CPM: variants seen among roughly 807,000 people sequenced by gnomAD.
CPM encodes the protein carboxypeptidase M.
Under a neutral mutation model 46.4 loss-of-function variants are expected in CPM, and 35 were observed. The ratio of observed to expected loss-of-function variants is 0.75; its 90% CI spans 0.58 to 1.00. The LOEUF (loss-of-function observed/expected upper bound fraction) is 1.00, where lower values mean the gene tolerates loss of function less well. Among genes scored for constraint, CPM ranks in the 50% least tolerant of loss-of-function variants. The pLI is 0.00. For missense variants in CPM, 422 were observed against 530.4 expected, an observed-to-expected ratio of 0.80 and a Z score of 2.01; for synonymous variants, 195 against 195.3, an observed-to-expected ratio of 1.00 and a Z score of 0.01.
At chr12:68,867,208 C>G (rs1885491756) in intron 6 of CPM, among the ~76,000 whole-genome samples, 160 bp from the exon 7 acceptor site, 1 of 152,188 alleles carries the variant, frequency 6.6e-6, no homozygotes, top group Non-Finnish European at 1.5e-5. Context: ...TTCTATTACC[C>G]AGGCGTGACT....
In CPM at chr12:68,845,052, G is replaced by A. The variant is rs1334219253; in HGVS notation, c.534-2723C>T. ...CAAAGTGCTGTGATTACAGGCGTGAGCCGCCACGCCCAGCCTAATAAGGGT... is the reference window on the plus strand; with the variant it reads ...CAAAGTGCTGTGATTACAGGCGTGAACCGCCACGCCCAGCCTAATAAGGGT... On this transcript the variant is annotated intron_variant, in intron 5 of 5. Coordinates refer to the CPM transcript ENST00000551897. The A allele has an allele frequency of 3.3e-5, 7 of 209,164 alleles. No homozygotes were observed. In the East Asian group the frequency reaches 5.0e-4, roughly 15 times the overall value. The allele number at this position is 209,164 out of a possible 1,614,324, so 13.0% of individuals were successfully genotyped here. A position where few individuals can be genotyped will look rare whatever the true frequency, so the allele number is the denominator to read the frequency against.
intron 2 of CPM, among the ~76,000 whole-genome samples, chr12:68,907,299 T>C (rs1244048741): frequency 4.6e-5 from 7 of 152,200 alleles, no homozygotes. Context: ...GGGCACATTA[T>C]TAGGGTGATT....
At chr12:68,848,356 G>A (rs908560508), downstream of CPM, 2 of 152,248 alleles carry the variant, frequency 1.3e-5, no homozygotes, top group African/African-American at 4.8e-5. Context: ...GTGGAGATGG[G>A]GTTTTGCCAT....
intron 2 of CPM, among the ~76,000 whole-genome samples, chr12:68,924,437 GACACTGC>G (rs1888171437): frequency 6.7e-6 from 1 of 149,360 alleles, no homozygotes; most frequent in South Asian, 2.1e-4. Flanking sequence ...CCGACATTGT[GACACTGC>G]ACTCCAGCAT....
intron 2 of CPM, among the ~76,000 whole-genome samples, chr12:68,919,330 T>C (rs2136303771): frequency 6.6e-6 from 1 of 152,354 alleles, no homozygotes; most frequent in South Asian, 2.1e-4. Context: ...AACTATGTAT[T>C]TGCTTCATAG....
At chr12:68,898,692 C>T (rs1421207151) in intron 2 of CPM, among the ~76,000 whole-genome samples, 1 of 152,224 alleles carries the variant, frequency 6.6e-6, no homozygotes, top group Non-Finnish European at 1.5e-5. Context: ...GTATCCTCTT[C>T]AGGGCATCTG....
intron 7 of CPM, among the ~76,000 whole-genome samples, chr12:68,866,517 T>C (rs1885454204): frequency 6.6e-6 from 1 of 152,144 alleles, no homozygotes; most frequent in South Asian, 2.1e-4. Flanking sequence ...CTAATTTTTG[T>C]ATTTTCAGTA....
Position 68,852,995 on chromosome 12 carries a change from G to A in CPM, c.*3442C>T, listed in dbSNP as rs767582591. ...GCATAACCACCAGCCCAAGAGGGAG[G>A]GGAAAAGCCGGAAAGGCGTTGGGCA... On this transcript the variant is annotated 3_prime_UTR_variant, in exon 9 of 9. Coordinates refer to ENST00000551568, the MANE Select transcript of CPM (RefSeq NM_198320.5). 1 of 152,344 alleles carries A rather than the reference G, an allele frequency of 6.6e-6. No homozygotes were observed. The highest frequency in any genetic ancestry group is 1.5e-5 in the Non-Finnish European group (1 of 68,060). 9.4% of individuals were successfully genotyped at this position (152,344 alleles called of 1,614,324 possible). A position where few individuals can be genotyped will look rare whatever the true frequency, so the allele number is the denominator to read the frequency against.
At chr12:68,955,822 C>T (rs770100568) in intron 1 of CPM, among the ~76,000 whole-genome samples, 2 of 152,090 alleles carry the variant, frequency 1.3e-5, no homozygotes, top group Non-Finnish European at 2.9e-5. Flanking sequence ...TTTATACAGG[C>T]TTTAGAGGGG....
chr12:68,864,792 G>A (rs928794540), intron 7 of CPM, among the ~76,000 whole-genome samples: 2 of 152,098 alleles, frequency 1.3e-5, no homozygotes, highest in African/African-American at 2.4e-5. Context: ...CAGAAGGATC[G>A]CTTGAGCCCA....
intron 2 of CPM, among the ~76,000 whole-genome samples, chr12:68,888,550 T>A (rs576910002): frequency 2.6e-5 from 4 of 152,212 alleles, no homozygotes; most frequent in African/African-American, 9.7e-5. Context: ...CCAGAGCAAA[T>A]GCACAAAGGA....
intron 8 of CPM, among the ~76,000 whole-genome samples, chr12:68,857,792 C>CT (rs754137660): frequency 4.6e-5 from 7 of 152,130 alleles, no homozygotes; most frequent in Non-Finnish European, 8.8e-5. Flanking sequence ...CAATTCATAA[C>CT]TTTATTCTAA....
At chr12:68,951,163 C>G (rs1468289004) in intron 1 of CPM, among the ~76,000 whole-genome samples, 1 of 152,224 alleles carries the variant, frequency 6.6e-6, no homozygotes, top group Non-Finnish European at 1.5e-5. Context: ...CCTCTCCGAG[C>G]CTTACTTTCC....
upstream of CPM, among the ~76,000 whole-genome samples, chr12:68,935,167 C>G (rs1457880867): frequency 6.6e-6 from 1 of 152,066 alleles, no homozygotes; most frequent in Non-Finnish European, 1.5e-5. Context: ...GCCTCGGCCT[C>G]CCAGATCGCT....
At chr12:68,932,159 T>C (rs1888538875) in intron 2 of CPM, among the ~76,000 whole-genome samples, 1 of 152,212 alleles carries the variant, frequency 6.6e-6, no homozygotes, top group Non-Finnish European at 1.5e-5. Flanking sequence ...CTGTACTACT[T>C]AGATTAAAAG....
At chr12:68,872,971 GGAGA>G (rs1372883918) in intron 3 of CPM, among the ~76,000 whole-genome samples, 1 of 152,084 alleles carries the variant, frequency 6.6e-6, no homozygotes, top group Non-Finnish European at 1.5e-5. Flanking sequence ...TCCCTCCCCA[GGAGA>G]GAGAGTCATT....
chr12:68,904,458 T>C (rs1182618427), intron 2 of CPM, among the ~76,000 whole-genome samples: 1 of 152,234 alleles, frequency 6.6e-6, no homozygotes, highest in African/African-American at 2.4e-5. Context: ...TGGACCTTAC[T>C]GAAGTTACTT....
intron 2 of CPM, among the ~76,000 whole-genome samples, chr12:68,916,619 G>A (rs2132455): frequency 3.5e-4 from 53 of 152,164 alleles, no homozygotes; most frequent in African/African-American, 1.2e-3. Context: ...GGCTGGGCAC[G>A]GTGGTGCATG....
chr12:68,905,279 T>TC (rs1491287248), intron 2 of CPM, among the ~76,000 whole-genome samples: 5 of 151,312 alleles, frequency 3.3e-5, no homozygotes, highest in African/African-American at 4.9e-5. Context: ...TCTTTTTTTT[T>TC]CTCTCTCTCT....
Sources: allele counts gnomAD v4.1 joint callset (sites outside exome capture counted in the v4.1 genomes callset), GRCh38; gene constraint gnomAD v4.1.1; transcripts MANE v1.5; gene names NCBI Gene and HGNC (gene_info 2026-07-23, HGNC 2026-07-21).